LMBR1: variants seen among roughly 807,000 people sequenced by gnomAD.
LMBR1 encodes limb region 1 protein homolog.
In LMBR1, 52 loss-of-function variants were observed where a neutral mutation model predicts 73.9. The ratio of observed to expected loss-of-function variants is 0.70; its 90% CI spans 0.56 to 0.89. The LOEUF is 0.89. Ranked by LOEUF, LMBR1 falls within the 40% of genes least tolerant of loss-of-function variation. The pLI is 0.00. For synonymous variants in LMBR1, 215 were observed against 209.4 expected, an observed-to-expected ratio of 1.03 and a Z score of -0.23; for missense variants, 539 against 579.8, an observed-to-expected ratio of 0.93 and a Z score of 0.72.
chr7:156,773,651 A>G (rs1825606578), intron 5 of LMBR1, among the ~76,000 whole-genome samples: 1 of 152,222 alleles, frequency 6.6e-6, no homozygotes, highest in African/African-American at 2.4e-5. Flanking sequence ...AGCCATATGC[A>G]GAAGACTGAA....
intron 5 of LMBR1, among the ~76,000 whole-genome samples, chr7:156,769,529 C>T (rs1022651450): frequency 2.6e-5 from 4 of 152,184 alleles, no homozygotes; most frequent in African/African-American, 9.7e-5. Context: ...CTTGTTCTTT[C>T]TCTGCACCAT....
chr7:156,816,427 A>G (rs924715980), intron 4 of LMBR1, among the ~76,000 whole-genome samples: 12 of 152,166 alleles, frequency 7.9e-5, no homozygotes, highest in African/African-American at 2.9e-4. Flanking sequence ...TTATCAGTAG[A>G]TCAAACAAGG....
intron 1 of LMBR1, among the ~76,000 whole-genome samples, chr7:156,891,198 A>G: frequency 1.0e-5 from 1 of 95,772 alleles, no homozygotes; most frequent in African/African-American, 4.7e-5. Flanking sequence ...CACAAAAAAA[A>G]AAAAAAAAAA....
chr7:156,777,196 A>G (rs1232260000), intron 5 of LMBR1, among the ~76,000 whole-genome samples: 3 of 152,074 alleles, frequency 2.0e-5, no homozygotes, highest in Non-Finnish European at 4.4e-5. Flanking sequence ...CAGCCTCCCA[A>G]AGTGCTGGGA....
chr7:156,713,849 G>A (rs1400109704), intron 15 of LMBR1, among the ~76,000 whole-genome samples: 1 of 152,082 alleles, frequency 6.6e-6, no homozygotes, highest in African/African-American at 2.4e-5. Context: ...ATATATTAAT[G>A]TATGGCTGTA....
At chr7:156,808,197 G>A (rs1021043951) in intron 4 of LMBR1, among the ~76,000 whole-genome samples, 2 of 152,090 alleles carry the variant, frequency 1.3e-5, no homozygotes, top group Non-Finnish European at 2.9e-5. Flanking sequence ...ATTATTGAAA[G>A]AAGGGTGTTG....
chr7:156,861,936 A>C (rs1249793753), intron 1 of LMBR1, among the ~76,000 whole-genome samples: 3 of 152,074 alleles, frequency 2.0e-5, no homozygotes, highest in Non-Finnish European at 2.9e-5. Context: ...GGAGATCCAA[A>C]CTTTTCCACA....
chr7:156,680,173 G>A lies in LMBR1; in HGVS notation c.*3905C>T, dbSNP rs1049020189. 1 of 151,580 alleles carries A rather than the reference G, an allele frequency of 6.6e-6. No homozygotes were observed. The highest frequency in any genetic ancestry group is 2.4e-5 in the African/African-American group (1 of 41,216). 9.4% of individuals were successfully genotyped at this position (151,580 alleles called of 1,614,324 possible). A position where few individuals can be genotyped will look rare whatever the true frequency, so the allele number is the denominator to read the frequency against. Reference sequence around the variant, plus strand: ...CAAAAAAAAAAAAAACTCCAAAAAGGTCTTTGTATTATTTCTTCTTTTAAA... The same window carrying A: ...CAAAAAAAAAAAAAACTCCAAAAAGATCTTTGTATTATTTCTTCTTTTAAA... On this transcript the variant is annotated 3_prime_UTR_variant, in exon 17 of 17. Coordinates refer to ENST00000353442, the MANE Select transcript of LMBR1 (RefSeq NM_022458.4).
intron 9 of LMBR1, among the ~76,000 whole-genome samples, chr7:156,755,834 T>C (rs1323116392): frequency 6.6e-6 from 1 of 152,212 alleles, no homozygotes; most frequent in African/African-American, 2.4e-5. Flanking sequence ...ATGATTTAAA[T>C]TCACTATTTG....
rs1283516770 is a variant in LMBR1 at position 156,669,383 on chromosome 7, G to A, written n.867-96C>T. ...AGAGAGGAAGGGGAGAGAGAGTGAAGTGAGGGGTGAGATGTTTGAAATAAG... is the reference window on the plus strand; with the variant it reads ...AGAGAGGAAGGGGAGAGAGAGTGAAATGAGGGGTGAGATGTTTGAAATAAG... On this transcript the variant is annotated intron_variant and non_coding_transcript_variant, in intron 4 of 4. Coordinates refer to the LMBR1 transcript ENST00000430825. This position sits in a 1 kb window ranked among gnomAD's most constrained non-coding sequence, Gnocchi z 4.2. 1 of 152,260 alleles carries A rather than the reference G, an allele frequency of 6.6e-6. No homozygotes were observed. The highest frequency in any genetic ancestry group is 1.9e-4 in the East Asian group (1 of 5,196). The allele number at this position is 152,260 out of a possible 1,614,324, so 9.4% of individuals were successfully genotyped here. A position where few individuals can be genotyped will look rare whatever the true frequency, so the allele number is the denominator to read the frequency against.
At chr7:156,788,973 G>A (rs1372588999) in intron 5 of LMBR1, among the ~76,000 whole-genome samples, 2 of 152,248 alleles carry the variant, frequency 1.3e-5, no homozygotes, top group African/African-American at 2.4e-5. Flanking sequence ...ACTTGAACCC[G>A]GGAGATGGAG....
chr7:156,848,063 T>TAA (rs1363349284), intron 1 of LMBR1, among the ~76,000 whole-genome samples: 6 of 139,788 alleles, frequency 4.3e-5, no homozygotes, highest in Non-Finnish European at 9.4e-5. Context: ...CATTCAACAC[T>TAA]AAAAAAAAAA....
At chr7:156,807,445 T>C (rs1832341053) in intron 4 of LMBR1, among the ~76,000 whole-genome samples, 1 of 152,252 alleles carries the variant, frequency 6.6e-6, no homozygotes, top group African/African-American at 2.4e-5. Flanking sequence ...TGTCCATTTC[T>C]CTAAGTTGTT....
chr7:156,690,334 C>T (rs572417259), intron 15 of LMBR1, among the ~76,000 whole-genome samples: 93 of 152,266 alleles, frequency 6.1e-4, no homozygotes, highest in African/African-American at 2.1e-3. Context: ...CACAGTCCAA[C>T]GACTTACTTT....
intron 1 of LMBR1, among the ~76,000 whole-genome samples, chr7:156,878,181 T>C (rs1469469387): frequency 6.6e-6 from 1 of 152,134 alleles, no homozygotes; most frequent in Non-Finnish European, 1.5e-5. Flanking sequence ...CTATTCAACA[T>C]AGTACTGGAA....
chr7:156,779,894 T>G (rs992816512), intron 5 of LMBR1, among the ~76,000 whole-genome samples: 1 of 152,186 alleles, frequency 6.6e-6, no homozygotes, highest in Admixed American at 6.5e-5. Context: ...TTGCTCAGCA[T>G]GGCATCAAGA....
intron 15 of LMBR1, among the ~76,000 whole-genome samples, chr7:156,693,777 C>T (rs80049178): frequency 0.025 from 3,815 of 152,278 alleles, 161 homozygotes; most frequent in African/African-American, 0.087. Context: ...AGTAAACTTC[C>T]AAGCTCATTT....
chr7:156,845,078 G>C (rs1839377664), intron 1 of LMBR1, among the ~76,000 whole-genome samples: 1 of 152,030 alleles, frequency 6.6e-6, no homozygotes, highest in Admixed American at 6.5e-5. Context: ...GTGGGTTCAA[G>C]GACTGCTATC....
At chr7:156,779,937 A>G (rs796437239) in intron 5 of LMBR1, among the ~76,000 whole-genome samples, 22 of 152,358 alleles carry the variant, frequency 1.4e-4, no homozygotes, top group African/African-American at 5.3e-4. Flanking sequence ...CATCAGGGGA[A>G]GATCGGTAGA....
Sources: gnomAD v4.1 joint callset for allele counts (sites outside exome capture counted in the v4.1 genomes callset) on GRCh38, gnomAD v4.1.1 for gene constraint, Gnocchi (gnomAD v3.1) non-coding constraint, MANE v1.5 for transcripts, NCBI Gene and HGNC (gene_info 2026-07-23, HGNC 2026-07-21) for gene names.